PCDHGA10: variants seen among roughly 807,000 people sequenced by gnomAD.
PCDHGA10 encodes protocadherin gamma subfamily A, 10, also known as protocadherin gamma-A10.
PCDHGA10 carries 42 observed loss-of-function variants against 59.5 expected under a neutral mutation model. The observed-to-expected ratio is 0.71, with a 90% confidence interval of 0.55 to 0.91. The LOEUF (loss-of-function observed/expected upper bound fraction) is 0.91, where lower values mean the gene tolerates loss of function less well. Ranked by LOEUF, PCDHGA10 falls within the 40% of genes least tolerant of loss-of-function variation. The pLI is 0.00. For missense variants in PCDHGA10, 1,111 were observed against 1,198.2 expected (o/e 0.93, Z 1.07); for synonymous variants, 511 against 517.2 (o/e 0.99, Z 0.16).
In PCDHGA10 at chr5:141,432,293, G is replaced by T. The variant is rs765631138; in HGVS notation, c.2436+16682G>T. ...CTACGTGTCCATCAACTCCGACACT[G>T]GGGTACTGTATGCGCTGAGCTCCTT... On this transcript the variant is annotated intron_variant, in intron 1 of 3. Coordinates refer to ENST00000398610, the MANE Select transcript of PCDHGA10 (RefSeq NM_018913.3). The surrounding 1 kb of genome is among the most constrained non-coding windows in gnomAD (Gnocchi z 6.0). 1.2e-6 allele frequency: 2 copies of T among 1,614,136 alleles called. No individual in the cohort carries two copies. Among genetic ancestry groups the T allele is most frequent in the African/African-American group, 1.3e-5 (1 of 74,950 alleles).
Position 141,489,398 on chromosome 5 carries a change from G to A in PCDHGA10, c.2437-5409G>A, listed in dbSNP as rs2099686644. On this transcript the variant is annotated intron_variant, in intron 1 of 3. Transcript: ENST00000398610. This position sits in a 1 kb window ranked among gnomAD's most constrained non-coding sequence, Gnocchi z 4.5. The stretch of plus-strand genomic sequence containing the variant: ...GTGGGGAATGTTGCTCAGGATCTGG[G>A]CTTAAAGATGACAGATCTGTTGAGC... 6.2e-7 allele frequency: 1 copy of A among 1,614,064 alleles called. No homozygotes were observed. The highest frequency in any genetic ancestry group is 1.3e-5 in the African/African-American group (1 of 74,910).
chr5:141,469,213 G>A (rs866405809), intron 1 of PCDHGA10, among the ~76,000 whole-genome samples: 21 of 150,912 alleles, frequency 1.4e-4, no homozygotes, highest in African/African-American at 5.1e-4. Flanking sequence ...TGAAGTTGAG[G>A]CTTCAGTGAG....
In PCDHGA10 at chr5:141,489,242, TG is replaced by T; in HGVS notation, c.2437-5561del. 6.5e-7 allele frequency: 1 copy of T among 1,534,498 alleles called. No homozygotes were observed. The highest frequency in any genetic ancestry group is 2.3e-5 in the East Asian group (1 of 44,312). On this transcript the variant is annotated intron_variant, in intron 1 of 3. Transcript: ENST00000398610. The surrounding 1 kb of genome is among the most constrained non-coding windows in gnomAD (Gnocchi z 4.5). ...TCTCCACAAAGGGACTTCTGGGTCA[TG>T]GGGCCCAAGACACTCCCACAGCTCG...
intron 1 of PCDHGA10, chr5:141,424,104 A>G (rs1049098128): frequency 6.2e-6 from 5 of 812,458 alleles, no homozygotes; most frequent in Non-Finnish European, 6.1e-6. Flanking sequence ...ATTACTGCTA[A>G]TGTTCAAATT....
intron 1 of PCDHGA10, among the ~76,000 whole-genome samples, chr5:141,457,459 CA>C (rs1402759850): frequency 6.6e-6 from 1 of 152,166 alleles, no homozygotes; most frequent in Non-Finnish European, 1.5e-5. Context: ...CCACTTGATT[CA>C]CAGGAATAAG....
intron 1 of PCDHGA10, among the ~76,000 whole-genome samples, chr5:141,475,237 G>C (rs2099360785): frequency 6.6e-6 from 1 of 152,234 alleles, no homozygotes. Flanking sequence ...AAACGATAGA[G>C]AGAGTGTGCT....
chr5:141,421,640 A>T (rs367946949), intron 1 of PCDHGA10: 1 of 1,613,716 alleles, frequency 6.2e-7, no homozygotes, highest in Non-Finnish European at 8.5e-7. Context: ...CAGGAGGACG[A>T]AGTGGAGATA....
chr5:141,490,941 A>G lies in PCDHGA10; in HGVS notation c.2437-3866A>G. The G allele has an allele frequency of 6.2e-7, 1 of 1,613,628 alleles. No homozygotes were observed. The highest frequency in any genetic ancestry group is 8.5e-7 in the Non-Finnish European group (1 of 1,179,772). On this transcript the variant is annotated intron_variant, in intron 1 of 3. Coordinates refer to ENST00000398610, the MANE Select transcript of PCDHGA10 (RefSeq NM_018913.3). The surrounding 1 kb of genome is among the most constrained non-coding windows in gnomAD (Gnocchi z 5.4). ...ATAATGCCCCAGCTGTGCTGCACCC[A>G]CGGCCAGACTGGGAACACTCAGCCC... is the stretch of plus-strand genomic sequence containing the variant.
Position 141,415,479 on chromosome 5 carries a change from A to G in PCDHGA10, c.2304A>G (p.Arg768=), listed in dbSNP as rs750765604. 19 of 1,613,988 alleles carry G rather than the reference A, an allele frequency of 1.2e-5. No individual in the cohort carries two copies. Among genetic ancestry groups the G allele is most frequent in the South Asian group, 2.2e-5 (2 of 91,088 alleles). Residue 768 remains arginine (R), a synonymous_variant, in exon 1 of 4, where the codon CGA becomes CGG. Coordinates refer to ENST00000398610, the MANE Select transcript of PCDHGA10 (RefSeq NM_018913.3). ...SHEVSLTADS[R]KSHLIFPQPN... is the part of the protein sequence containing the mutation. ...AGGTCTCTCTCACCGCGGACTCGCG[A>G]AAGAGTCACCTGATCTTCCCCCAGC... is the stretch of plus-strand genomic sequence containing the variant.
At chr5:141,446,450 T>C (rs922188307) in intron 1 of PCDHGA10, among the ~76,000 whole-genome samples, 2 of 152,018 alleles carry the variant, frequency 1.3e-5, no homozygotes, top group Non-Finnish European at 2.9e-5. Context: ...AGTGCAGATA[T>C]TCAGTGTGTG....
In PCDHGA10 at chr5:141,431,509, C is replaced by T. The variant is rs774558486; in HGVS notation, c.2436+15898C>T. The T allele has an allele frequency of 3.1e-6, 5 of 1,613,992 alleles. 1 individual carries two copies. In the Admixed American group the frequency reaches 5.0e-5, roughly 16 times the overall value. On this transcript the variant is annotated intron_variant, in intron 1 of 3. Coordinates refer to ENST00000398610, the MANE Select transcript of PCDHGA10 (RefSeq NM_018913.3). This position sits in a 1 kb window ranked among gnomAD's most constrained non-coding sequence, Gnocchi z 4.8. ...TTGCTCAGCCCGAGTACCGCGCGAG[C>T]GTTCCGGAGAATCTGGCCTTGGGCA...
intron 1 of PCDHGA10, among the ~76,000 whole-genome samples, chr5:141,445,429 C>G (rs974775529): frequency 2.6e-5 from 4 of 152,200 alleles, no homozygotes; most frequent in Non-Finnish European, 5.9e-5. Flanking sequence ...ATGCAAGGCA[C>G]TGACCTATGG....
At chr5:141,453,852 T>A (rs905734700) in intron 1 of PCDHGA10, among the ~76,000 whole-genome samples, 5 of 152,164 alleles carry the variant, frequency 3.3e-5, no homozygotes, top group African/African-American at 1.2e-4. Context: ...ACAGAGCACT[T>A]TGAAAATAAC....
rs2099637746 is a variant in PCDHGA10, at chr5:141,486,980, A to G, written c.2437-7827A>G. Reference sequence around the variant, plus strand: ...TGCTGTGGACTTGGATTCAGGTTACAATGCTTGGGTTTCCTATCAGCTCCT... The same window carrying G: ...TGCTGTGGACTTGGATTCAGGTTACGATGCTTGGGTTTCCTATCAGCTCCT... On this transcript the variant is annotated intron_variant, in intron 1 of 3. Coordinates refer to ENST00000398610, the MANE Select transcript of PCDHGA10 (RefSeq NM_018913.3). This position sits in a 1 kb window ranked among gnomAD's most constrained non-coding sequence, Gnocchi z 5.0. The G allele has an allele frequency of 1.2e-6, 2 of 1,614,040 alleles. No individual in the cohort carries two copies. The highest frequency in any genetic ancestry group is 1.3e-5 in the African/African-American group (1 of 74,908).
intron 1 of PCDHGA10, among the ~76,000 whole-genome samples, chr5:141,456,537 G>A (rs1411788378): frequency 1.3e-5 from 2 of 152,178 alleles, no homozygotes; most frequent in African/African-American, 4.8e-5. Flanking sequence ...ATTAAAGAGG[G>A]ATTGTAGCCA....
At position 141,476,387 on chromosome 5, in the gene PCDHGA10, C is replaced by A. The variant is rs147660262; in HGVS notation, c.2437-18420C>A. ...GACCGGAGAGATGTTTGTGAACGAC[C>A]GTCTGGATCGAGAGGAGCTGTGTGG... is the stretch of plus-strand genomic sequence containing the variant. On this transcript the variant is annotated intron_variant, in intron 1 of 3. Transcript: ENST00000398610. The surrounding 1 kb of genome is among the most constrained non-coding windows in gnomAD (Gnocchi z 7.6). 1.2e-6 allele frequency: 2 copies of A among 1,614,076 alleles called. No individual in the cohort carries two copies. Among genetic ancestry groups the A allele is most frequent in the Non-Finnish European group, 8.5e-7 (1 of 1,180,024 alleles).
intron 1 of PCDHGA10, chr5:141,419,630 G>A (rs1484627772): frequency 6.2e-7 from 1 of 1,612,430 alleles, no homozygotes; most frequent in South Asian, 1.1e-5. Context: ...GGTGACCAAG[G>A]TGGTGGCCGT....
At chr5:141,433,195 T>C (rs765385329) in intron 1 of PCDHGA10, 8 of 1,582,476 alleles carry the variant, frequency 5.1e-6, no homozygotes, top group Non-Finnish European at 6.9e-6. Flanking sequence ...TGAGTTTATA[T>C]CAAATCTTCT....
chr5:141,475,980 C>G (rs758066578), intron 1 of PCDHGA10: 3 of 1,028,500 alleles, frequency 2.9e-6, no homozygotes, highest in Admixed American at 2.4e-5. Context: ...ACTGAACAGC[C>G]GGCGAGCAAA....
Sources: allele counts gnomAD v4.1 joint callset (sites outside exome capture counted in the v4.1 genomes callset), GRCh38; gene constraint gnomAD v4.1.1; non-coding constraint Gnocchi (gnomAD v3.1); transcripts MANE v1.5; gene names NCBI Gene and HGNC (gene_info 2026-07-23, HGNC 2026-07-21).